Variants in CPA4 observed in about 807,000 individuals in gnomAD.
The protein encoded by CPA4 is carboxypeptidase A4.
In CPA4, 49 loss-of-function variants were observed where a neutral mutation model predicts 54.7. The ratio of observed to expected loss-of-function variants is 0.90; its 90% CI spans 0.71 to 1.14. CPA4 has a LOEUF of 1.14. CPA4 is among the 50% of genes most tolerant of loss of function. CPA4 has a pLI of 0.00. For missense variants in CPA4, 487 were observed against 525.1 expected, an observed-to-expected ratio of 0.93 and a Z score of 0.71; for synonymous variants, 215 against 206.8, an observed-to-expected ratio of 1.04 and a Z score of -0.34.
chr7:130,300,047 G>A (rs1345689256), intron 3 of CPA4, among the ~76,000 whole-genome samples: 2 of 152,114 alleles, frequency 1.3e-5, no homozygotes, highest in Non-Finnish European at 2.9e-5. Flanking sequence ...TGGACTAATT[G>A]GTGATCTGGC....
intron 6 of CPA4, chr7:130,306,205 G>C (rs1793818601): frequency 2.2e-6 from 1 of 458,060 alleles, no homozygotes; most frequent in Non-Finnish European, 4.0e-6. Flanking sequence ...GCAACACCCA[G>C]ACAAGGCCCC....
At chr7:130,311,668 C>T (rs1297914485) in intron 9 of CPA4, among the ~76,000 whole-genome samples, 3 of 152,166 alleles carry the variant, frequency 2.0e-5, no homozygotes, top group African/African-American at 2.4e-5. Context: ...GTGTGCATGA[C>T]GTCTCCCTTC....
At chr7:130,308,264 A>G in intron 7 of CPA4, 43 bp from the exon 8 acceptor site, 1 of 1,541,276 alleles carries the variant, frequency 6.5e-7, no homozygotes, top group Non-Finnish European at 9.0e-7. Flanking sequence ...CGGTGATCTG[A>G]TCTGCCTCTG....
At chr7:130,319,497 C>T (rs1375971813) in intron 10 of CPA4, among the ~76,000 whole-genome samples, 1 of 152,184 alleles carries the variant, frequency 6.6e-6, no homozygotes, top group African/African-American at 2.4e-5. Flanking sequence ...AATCAACTGA[C>T]CAAAGGCAGA....
At chr7:130,302,833 A>G (rs779448975) in intron 4 of CPA4, among the ~76,000 whole-genome samples, 5 of 152,036 alleles carry the variant, frequency 3.3e-5, no homozygotes, top group Non-Finnish European at 5.9e-5. Flanking sequence ...TCCTTGTGCC[A>G]TGCTGGGTCC....
chr7:130,309,850 C>G (rs1178456254), intron 8 of CPA4, among the ~76,000 whole-genome samples: 1 of 152,274 alleles, frequency 6.6e-6, no homozygotes, highest in South Asian at 2.1e-4. Context: ...ACTGCAGCCT[C>G]GACATCCTGG....
chr7:130,308,547 C>G (rs1793862613), intron 8 of CPA4, 150 bp downstream of exon 8: 1 of 660,096 alleles, frequency 1.5e-6, no homozygotes, highest in Non-Finnish European at 2.7e-6. Context: ...TAGGCTCTGA[C>G]TTAGTGTTTT....
chr7:130,304,308 G>T (rs1437313727), intron 4 of CPA4, among the ~76,000 whole-genome samples, 170 bp from the exon 5 acceptor site: 1 of 152,194 alleles, frequency 6.6e-6, no homozygotes, highest in East Asian at 1.9e-4. Context: ...TTGTAGAAAA[G>T]GACTATTCAG....
At chr7:130,303,952 T>G (rs1329266911) in intron 4 of CPA4, among the ~76,000 whole-genome samples, 1 of 152,112 alleles carries the variant, frequency 6.6e-6, no homozygotes, top group Non-Finnish European at 1.5e-5. Flanking sequence ...TGTTTTTATT[T>G]TATTTTATTA....
chr7:130,299,696 G>A (rs575860795), intron 3 of CPA4: 37 of 323,734 alleles, frequency 1.1e-4, no homozygotes, highest in African/African-American at 5.3e-4. Flanking sequence ...CTGAGCCTCC[G>A]TTTCTTCATC....
intron 10 of CPA4, among the ~76,000 whole-genome samples, chr7:130,319,185 A>G (rs1344337374): frequency 6.6e-6 from 1 of 151,904 alleles, no homozygotes; most frequent in Non-Finnish European, 1.5e-5. Context: ...GCCTCTAGCA[A>G]CCCTTTCCCC....
intron 1 of CPA4, among the ~76,000 whole-genome samples, chr7:130,295,429 G>T (rs1354672601): frequency 6.6e-6 from 1 of 152,152 alleles, no homozygotes; most frequent in Non-Finnish European, 1.5e-5. Context: ...GAGCAGGAGG[G>T]GCAGACATGG....
Position 130,300,872 on chromosome 7 carries a change from C to T in CPA4, c.342C>T (p.Ser114=), listed in dbSNP as rs771699166. The change falls in exon 4 of 11, where the codon AGC becomes AGT. Residue 114 remains serine, a synonymous_variant. Transcript: ENST00000222482. ...AACACAATGAAGGGCAAGAACGGAG[C>T]AGTAATAACTTCAACTACGGGGCTT... ...EMQHNEGQER[S]SNNFNYGAYH... The T allele has an allele frequency of 2.0e-5, 33 of 1,613,674 alleles. No homozygotes were observed. The South Asian group carries it at 3.6e-4, about 18-fold the overall frequency.
rs571187825 is a variant in CPA4 at position 130,316,767 on chromosome 7, G to A, written c.1078+4645G>A. Among the ~76,000 whole-genome samples, 83 of 152,062 alleles carry A rather than the reference G, an allele frequency of 5.5e-4. 2 individuals are homozygous for A. The highest frequency in any genetic ancestry group is 3.4e-3 in the Middle Eastern group (1 of 292). On this transcript the variant is annotated intron_variant, in intron 10 of 10. Transcript: ENST00000222482. ...AGCTTGGCCAACATGGTGAAACCCC[G>A]TCTCTACTAAAATACTTTAGCTGGG... is the stretch of plus-strand genomic sequence containing the variant.
At chr7:130,315,244 C>T (rs1243545048) in intron 10 of CPA4, among the ~76,000 whole-genome samples, 1 of 151,720 alleles carries the variant, frequency 6.6e-6, no homozygotes, top group Non-Finnish European at 1.5e-5. Context: ...AGAGGGGAAA[C>T]GAGAGGGGTT....
intron 3 of CPA4, chr7:130,299,732 C>T (rs1007150015): frequency 3.2e-5 from 8 of 252,602 alleles, no homozygotes; most frequent in African/African-American, 8.6e-5. Flanking sequence ...GTGAGACCTT[C>T]GTCATGTGAT....
In CPA4 at chr7:130,308,394, G is replaced by A; in HGVS notation, c.790G>A (p.Ala264Thr). ...DPNRNWNASFAGKGASDNPCS... is the reference protein window; with the variant it reads ...DPNRNWNASFTGKGASDNPCS... ...AAATAGAAACTGGAACGCTAGTTTTGCAGGTAGGCGGTGGGGAGACAGTTC... is the reference window on the plus strand; with the variant it reads ...AAATAGAAACTGGAACGCTAGTTTTACAGGTAGGCGGTGGGGAGACAGTTC... Residue 264 changes from alanine to threonine, a missense_variant, in exon 8 of 11, where the codon GCA becomes ACA. Physicochemically the swap from Ala to Thr is moderately conservative, Grantham distance 58 (BLOSUM62 0). Transcript: ENST00000222482. 3 of 1,613,134 alleles carry A rather than the reference G, an allele frequency of 1.9e-6. No homozygotes were observed. The highest frequency in any genetic ancestry group is 1.3e-5 in the African/African-American group (1 of 75,012).
At chr7:130,299,440 A>G in intron 3 of CPA4, 36 bp downstream of exon 3, 3 of 1,606,536 alleles carry the variant, frequency 1.9e-6, no homozygotes, top group East Asian at 2.2e-5. Flanking sequence ...CTGCTCTTGC[A>G]TAGGACCAGG....
intron 9 of CPA4, among the ~76,000 whole-genome samples, 166 bp downstream of exon 9, chr7:130,311,152 G>T (rs1417608621): frequency 6.6e-6 from 1 of 152,056 alleles, no homozygotes; most frequent in Non-Finnish European, 1.5e-5. Context: ...TCATCTGCTG[G>T]GGACAGGAAA....
Sources: gnomAD v4.1 joint callset for allele counts (sites outside exome capture counted in the v4.1 genomes callset) on GRCh38, gnomAD v4.1.1 for gene constraint, MANE v1.5 for transcripts, NCBI Gene and HGNC (gene_info 2026-07-23, HGNC 2026-07-21) for gene names.